FMN1: variants seen among roughly 807,000 people sequenced by gnomAD.
The protein encoded by FMN1 is formin-1.
Under a neutral mutation model 132.4 loss-of-function variants are expected in FMN1, and 110 were observed. That is an observed-to-expected ratio of 0.83 (90% CI 0.71 to 0.97). The LOEUF (loss-of-function observed/expected upper bound fraction) is 0.97, where lower values mean the gene tolerates loss of function less well. Among genes scored for constraint, FMN1 ranks in the 50% least tolerant of loss-of-function variants. FMN1 has a pLI of 0.00. For missense variants in FMN1, 1,792 were observed against 1,705.3 expected, an observed-to-expected ratio of 1.05 and a Z score of -0.90; for synonymous variants, 722 against 651.7, an observed-to-expected ratio of 1.11 and a Z score of -1.64.
intron 2 of FMN1, among the ~76,000 whole-genome samples, chr15:33,186,301 C>G (rs1222897610): frequency 1.3e-5 from 2 of 152,064 alleles, no homozygotes; most frequent in African/African-American, 4.8e-5. Context: ...CCCAATGGCC[C>G]TTTAAACACC....
intron 3 of FMN1, among the ~76,000 whole-genome samples, chr15:33,155,810 C>T (rs901983116): frequency 2.0e-5 from 3 of 152,066 alleles, no homozygotes; most frequent in African/African-American, 7.2e-5. Flanking sequence ...ACCACAGAAA[C>T]GGCTGAAATG....
chr15:32,836,717 T>A (rs2058636163), intron 17 of FMN1, among the ~76,000 whole-genome samples: 1 of 152,174 alleles, frequency 6.6e-6, no homozygotes, highest in Non-Finnish European at 1.5e-5. Context: ...GAATGCAAAG[T>A]ATTTTCTTTT....
At chr15:33,044,714 A>C (rs752433086) in intron 6 of FMN1, among the ~76,000 whole-genome samples, 2 of 152,078 alleles carry the variant, frequency 1.3e-5, no homozygotes, top group African/African-American at 2.4e-5. Context: ...TGATGAGATG[A>C]CCAGCTGCAG....
chr15:33,116,737 AAT>A (rs2140152259), intron 4 of FMN1, among the ~76,000 whole-genome samples: 2 of 147,818 alleles, frequency 1.4e-5, no homozygotes, highest in Admixed American at 1.4e-4. Context: ...TGCGAAAACA[AAT>A]AATACTAGAT....
At chr15:33,121,297 C>T (rs1427482134) in intron 4 of FMN1, among the ~76,000 whole-genome samples, 13 of 152,156 alleles carry the variant, frequency 8.5e-5, no homozygotes, top group Non-Finnish European at 1.9e-4. Flanking sequence ...CCACAATGAC[C>T]AATTACTTTG....
chr15:32,821,101 G>A (rs1232045574), intron 17 of FMN1, among the ~76,000 whole-genome samples: 1 of 151,162 alleles, frequency 6.6e-6, no homozygotes, highest in East Asian at 2.0e-4. Context: ...AAATGTCACA[G>A]ATTTTCTAAG....
rs1261223498 is a variant in FMN1, at chr15:32,968,730, G to A, written c.2971C>T (p.Gln991Ter). The change falls in exon 8 of 21, where the codon CAA (glutamine) becomes TAA (stop). Residue 991 changes from glutamine (Q) to a stop codon, truncating the protein, a stop_gained. Coordinates refer to ENST00000616417, the MANE Select transcript of FMN1 (RefSeq NM_001277313.2). LOFTEE classifies it high-confidence loss of function. The stretch of plus-strand genomic sequence containing the variant: ...AGAACTTACCTCCTATCACTTATTT[G>A]TATCCTAGTCCAATATAAAGGCTTC... ...PMKPLYWTRI[Q>*]ISDRSQNATP... 1 of 1,613,274 alleles carries A rather than the reference G, an allele frequency of 6.2e-7. No individual in the cohort carries two copies. The highest frequency in any genetic ancestry group is 8.5e-7 in the Non-Finnish European group (1 of 1,179,622).
At chr15:33,097,607 C>T (rs921968215) in intron 4 of FMN1, among the ~76,000 whole-genome samples, 3 of 152,050 alleles carry the variant, frequency 2.0e-5, no homozygotes, top group Admixed American at 6.5e-5. Context: ...TTTAAAGTGT[C>T]GAAACCACCT....
At chr15:33,017,917 T>C (rs1273676865) in intron 6 of FMN1, among the ~76,000 whole-genome samples, 1 of 151,952 alleles carries the variant, frequency 6.6e-6, no homozygotes, top group Non-Finnish European at 1.5e-5. Context: ...ATACAAAAAT[T>C]TGCTGGGTGT....
At chr15:32,908,382 G>T in intron 12 of FMN1, 108 bp downstream of exon 12, 2 of 715,644 alleles carry the variant, frequency 2.8e-6, no homozygotes, top group Non-Finnish European at 4.9e-6. Flanking sequence ...ACGGTGTTGT[G>T]ATTTAGCTGG....
rs544883509 is a variant in FMN1, at chr15:33,061,429, A to G, written c.2161+3528T>C. Reference sequence around the variant, plus strand: ...AGGAAAAAATACAAGATATATACATATATACAAATATATATTTATATGTAA... The same window carrying G: ...AGGAAAAAATACAAGATATATACATGTATACAAATATATATTTATATGTAA... On this transcript the variant is annotated intron_variant, in intron 6 of 20. Transcript: ENST00000616417. 2.0e-5 allele frequency among the ~76,000 whole-genome samples: 3 copies of G among 152,176 alleles called. No homozygotes were observed. The East Asian group carries it at 5.8e-4, about 29-fold the overall frequency.
At chr15:32,796,193 T>A (rs2057285778) in intron 19 of FMN1, among the ~76,000 whole-genome samples, 1 of 152,250 alleles carries the variant, frequency 6.6e-6, no homozygotes, top group Non-Finnish European at 1.5e-5. Context: ...CACCACCACC[T>A]AAAATTAACC....
At chr15:33,006,633 A>T (rs1389824838) in intron 7 of FMN1, among the ~76,000 whole-genome samples, 1 of 152,220 alleles carries the variant, frequency 6.6e-6, no homozygotes, top group Non-Finnish European at 1.5e-5. Flanking sequence ...ATATGGAATC[A>T]ACGTTGAGTG....
At chr15:32,819,665 A>G (rs2058156821) in intron 17 of FMN1, among the ~76,000 whole-genome samples, 1 of 152,226 alleles carries the variant, frequency 6.6e-6, no homozygotes. Flanking sequence ...CTAAAGAAAT[A>G]TAATGACTGA....
chr15:32,820,998 A>G lies in FMN1; in HGVS notation c.3929-16666T>C, dbSNP rs60398507. Among the ~76,000 whole-genome samples, 599 of 151,296 alleles carry G rather than the reference A, an allele frequency of 4.0e-3. 23 individuals carry two copies. In the East Asian group the frequency reaches 0.087, roughly 22 times the overall value. On this transcript the variant is annotated intron_variant, in intron 17 of 20. Transcript: ENST00000616417. ...GAGGTCTCGTATTTTAATACTGTCTATATTTTTGGTTTTGCTTTTGTCCTT... is the reference window on the plus strand; with the variant it reads ...GAGGTCTCGTATTTTAATACTGTCTGTATTTTTGGTTTTGCTTTTGTCCTT...
chr15:32,819,159 G>C (rs1441506303), intron 17 of FMN1, among the ~76,000 whole-genome samples: 2 of 152,132 alleles, frequency 1.3e-5, no homozygotes, highest in Non-Finnish European at 2.9e-5. Context: ...TCTTCAAGGG[G>C]ATTCCAGAGC....
intron 4 of FMN1, among the ~76,000 whole-genome samples, chr15:33,126,180 T>C (rs1433376453): frequency 6.6e-6 from 1 of 152,020 alleles, no homozygotes; most frequent in Non-Finnish European, 1.5e-5. Context: ...TACATCCTCA[T>C]TAGAGACATG....
chr15:32,910,602 C>A (rs1329097413), intron 10 of FMN1, 67 bp from the exon 11 acceptor site: 2 of 1,149,388 alleles, frequency 1.7e-6, no homozygotes, highest in Non-Finnish European at 2.6e-6. Flanking sequence ...AATGTTTACT[C>A]CACATCCAGC....
At chr15:32,989,463 A>G (rs1171533199) in intron 7 of FMN1, among the ~76,000 whole-genome samples, 2 of 152,216 alleles carry the variant, frequency 1.3e-5, no homozygotes, top group African/African-American at 2.4e-5. Flanking sequence ...GAAAGATAAA[A>G]GCATGCTGGA....
Sources: gnomAD v4.1 joint callset for allele counts (sites outside exome capture counted in the v4.1 genomes callset) on GRCh38, gnomAD v4.1.1 for gene constraint, MANE v1.5 for transcripts, NCBI Gene and HGNC (gene_info 2026-07-23, HGNC 2026-07-21) for gene names.